TRIM65: variants seen among roughly 807,000 people sequenced by gnomAD.
TRIM65 encodes the protein tripartite motif containing 65.
TRIM65 carries 46 observed loss-of-function variants against 36.1 expected under a neutral mutation model. The observed-to-expected ratio is 1.27, with a 90% CI of 1.01 to 1.63. The LOEUF (loss-of-function observed/expected upper bound fraction) is 1.63. Among genes scored for constraint, TRIM65 ranks in the 40% most tolerant of loss-of-function variants. The pLI, the probability that TRIM65 is intolerant of heterozygous loss-of-function variation, is 0.00. For missense variants in TRIM65, 708 were observed against 696.6 expected (o/e 1.02, Z -0.18); for synonymous variants, 346 against 313.6 (o/e 1.10, Z -1.09).
chr17:75,879,815 G>A (rs534090148), downstream of TRIM65, among the ~76,000 whole-genome samples: 1 of 150,592 alleles, frequency 6.6e-6, no homozygotes, highest in East Asian at 1.9e-4. Flanking sequence ...GTGCAGTGGC[G>A]CAATCTCAGC....
rs1252235506 is a variant in TRIM65 at position 75,891,091 on chromosome 17, G to T, written c.1242C>A (p.Asp414Glu). 6.2e-7 allele frequency: 1 copy of T among 1,610,646 alleles called. No individual in the cohort carries two copies. The highest frequency in any genetic ancestry group is 1.7e-5 in the Admixed American group (1 of 60,022). ...LPRCRLGPHT[D>E]NIGRGPCSWG... ...AGGAGCAGGGTCCCCGGCCAATGTT[G>T]TCTGTGTGGGGCCCCAGCCTGCACC... Residue 414 changes from aspartate to glutamate, a missense_variant, in exon 6 of 6, where the codon GAC (aspartate) becomes GAA (glutamate). Physicochemically the swap from Asp to Glu is conservative, Grantham distance 45 (BLOSUM62 2). Coordinates refer to ENST00000269383, the MANE Select transcript of TRIM65 (RefSeq NM_173547.4).
chr17:75,886,130 T>TTGCC (rs1290785685), downstream of TRIM65, among the ~76,000 whole-genome samples: 1 of 152,196 alleles, frequency 6.6e-6, no homozygotes, highest in African/African-American at 2.4e-5. Flanking sequence ...CACGCTTTCC[T>TTGCC]TGCCTGCCTG....
downstream of TRIM65, among the ~76,000 whole-genome samples, chr17:75,887,729 G>T (rs926775012): frequency 6.6e-6 from 1 of 151,990 alleles, no homozygotes; most frequent in Non-Finnish European, 1.5e-5. Flanking sequence ...CCATTAGGAA[G>T]AAAAGAGGGG....
rs2065358176 is a variant in TRIM65 at position 75,896,872 on chromosome 17, T to TG, written c.65dup (p.Val23SerfsTer221). 2.6e-6 allele frequency: 4 copies of TG among 1,531,708 alleles called. No individual in the cohort carries two copies. Among genetic ancestry groups the TG allele is most frequent in the Non-Finnish European group, 2.6e-6 (3 of 1,142,990 alleles). The allele number at this position is 1,531,708 out of a possible 1,614,324, so 94.9% of individuals were successfully genotyped here. A position where few individuals can be genotyped will look rare whatever the true frequency, so the allele number is the denominator to read the frequency against. On this transcript the variant is annotated frameshift_variant, in exon 1 of 6. Coordinates refer to ENST00000269383, the MANE Select transcript of TRIM65 (RefSeq NM_173547.4). LOFTEE classifies it high-confidence loss of function. ...AGTTGTGGCCGCAGGGCAGCGTCAC[T>TG]GGGTCCTGGTAGAGCCCCAGGCAGA...
intron 1 of TRIM65, among the ~76,000 whole-genome samples, chr17:75,896,280 C>T (rs931868572): frequency 2.0e-5 from 3 of 152,232 alleles, no homozygotes; most frequent in African/African-American, 7.2e-5. Context: ...TGGTCTCGAT[C>T]TCCTGACCTC....
At chr17:75,881,876 C>T (rs1429710526) in intron 4 of TRIM65, among the ~76,000 whole-genome samples, 1 of 150,422 alleles carries the variant, frequency 6.6e-6, no homozygotes, top group Non-Finnish European at 1.5e-5. Context: ...TCTGATTTGG[C>T]AGGAGGGTGG....
chr17:75,896,658 G>A lies in TRIM65; in HGVS notation c.280C>T (p.Arg94Cys), dbSNP rs953939952. ...AGCGGCCGCCCGTGGCGGGGGCAGCGCGCGGCAGGGTCGGGGCCGGGGCCG... is the reference window on the plus strand; with the variant it reads ...AGCGGCCGCCCGTGGCGGGGGCAGCACGCGGCAGGGTCGGGGCCGGGGCCG... ...DPGPGPDPAA[R>C]CPRHGRPLEL... The change falls in exon 1 of 6, where the codon CGC becomes TGC. Residue 94 changes from arginine (R) to cysteine (C), a missense_variant. Physicochemically the swap from Arg to Cys is radical, Grantham distance 180. Coordinates refer to ENST00000269383, the MANE Select transcript of TRIM65 (RefSeq NM_173547.4). 3 of 1,243,988 alleles carry A rather than the reference G, an allele frequency of 2.4e-6. No homozygotes were observed. Among genetic ancestry groups the A allele is most frequent in the Non-Finnish European group, 3.0e-6 (3 of 998,370 alleles). The allele number at this position is 1,243,988 out of a possible 1,614,324, so 77.1% of individuals were successfully genotyped here. A position where few individuals can be genotyped will look rare whatever the true frequency, so the allele number is the denominator to read the frequency against.
Position 75,890,925 on chromosome 17 carries a change from G to C in TRIM65, c.1408C>G (p.Gln470Glu). 1 of 1,552,190 alleles carries C rather than the reference G, an allele frequency of 6.4e-7. No homozygotes were observed. The highest frequency in any genetic ancestry group is 8.7e-7 in the Non-Finnish European group (1 of 1,148,650). The change falls in exon 6 of 6, where the codon CAG becomes GAG. Residue 470 changes from glutamine (Q) to glutamate (E), a missense_variant. Gln to Glu is a conservative substitution (Grantham distance 29). Coordinates refer to ENST00000269383, the MANE Select transcript of TRIM65 (RefSeq NM_173547.4). ...TGGAAGGTGTACAGGGGCTGGGTCTGGGGCTCCAGGCTGTAGAAGGTGAGG... is the reference window on the plus strand; with the variant it reads ...TGGAAGGTGTACAGGGGCTGGGTCTCGGGCTCCAGGCTGTAGAAGGTGAGG... ...GCLTFYSLEP[Q>E]TQPLYTFHAL...
downstream of TRIM65, among the ~76,000 whole-genome samples, chr17:75,879,753 T>A (rs2065157991): frequency 6.6e-6 from 1 of 150,560 alleles, no homozygotes; most frequent in African/African-American, 2.5e-5. Context: ...AAATAATGTT[T>A]TTTTATTTTT....
intron 1 of TRIM65, among the ~76,000 whole-genome samples, chr17:75,893,611 A>G (rs1476874281): frequency 2.0e-5 from 3 of 152,148 alleles, no homozygotes; most frequent in Non-Finnish European, 4.4e-5. Flanking sequence ...GATGGGGACC[A>G]TTACTATCCC....
At chr17:75,886,217 G>C (rs1456655308), downstream of TRIM65, among the ~76,000 whole-genome samples, 1 of 152,162 alleles carries the variant, frequency 6.6e-6, no homozygotes, top group Non-Finnish European at 1.5e-5. Context: ...ATGTGAAACT[G>C]TGAGTCCATT....
chr17:75,893,033 GT>G (rs1328169320), intron 1 of TRIM65, among the ~76,000 whole-genome samples, 183 bp from the exon 2 acceptor site: 1 of 152,064 alleles, frequency 6.6e-6, no homozygotes, highest in African/African-American at 2.4e-5. Context: ...CCCCGGGGGG[GT>G]CCAGACAAAG....
At position 75,896,868 on chromosome 17, in the gene TRIM65, T is replaced by A; in HGVS notation, c.70A>T (p.Thr24Ser). 5 of 1,531,902 alleles carry A rather than the reference T, an allele frequency of 3.3e-6. No homozygotes were observed. The highest frequency in any genetic ancestry group is 3.5e-6 in the Non-Finnish European group (4 of 1,142,972). 94.9% of individuals were successfully genotyped at this position (1,531,902 alleles called of 1,614,324 possible). Residue 24 changes from threonine (T) to serine (S), a missense_variant, in exon 1 of 6, where the codon ACG (threonine) becomes TCG (serine). Coordinates refer to ENST00000269383, the MANE Select transcript of TRIM65 (RefSeq NM_173547.4). ...CAGAAGTTGTGGCCGCAGGGCAGCG[T>A]CACTGGGTCCTGGTAGAGCCCCAGG... The part of the protein sequence containing the change: ...ICLGLYQDPV[T>S]LPCGHNFCGA...
chr17:75,889,895 C>T lies in TRIM65; in HGVS notation c.*884G>A, dbSNP rs758369518. On this transcript the variant is annotated 3_prime_UTR_variant, in exon 6 of 6. Coordinates refer to ENST00000269383, the MANE Select transcript of TRIM65 (RefSeq NM_173547.4). The stretch of plus-strand genomic sequence containing the variant: ...ATGAGCCCATGACCGCACCCCTGCA[C>T]ACCAGCCTGGGTGACAGATGGAGAT... The T allele has an allele frequency of 3.3e-5, 5 of 152,132 alleles. No homozygotes were observed. The highest frequency in any genetic ancestry group is 7.4e-5 in the Non-Finnish European group (5 of 68,026). 9.4% of individuals were successfully genotyped at this position (152,132 alleles called of 1,614,324 possible).
rs1477108610 is a variant in TRIM65, at chr17:75,890,685, A to G, written c.*94T>C. The G allele has an allele frequency of 1.8e-6, 2 of 1,127,912 alleles. No homozygotes were observed. Among genetic ancestry groups the G allele is most frequent in the African/African-American group, 3.2e-5 (2 of 62,064 alleles). 69.9% of individuals were successfully genotyped at this position (1,127,912 alleles called of 1,614,324 possible). ...TCTTTCTGAGTTAACAGAGAGGCCA[A>G]CAGCTGGTCCTCCAGTCCCCAAGCT... On this transcript the variant is annotated 3_prime_UTR_variant, in exon 6 of 6. Transcript: ENST00000269383.
At chr17:75,891,735 ACACGT>A (rs2065269604) in intron 5 of TRIM65, 73 bp downstream of exon 5, 1 of 993,872 alleles carries the variant, frequency 1.0e-6, no homozygotes, top group African/African-American at 2.9e-5. Flanking sequence ...ATGCACACAC[ACACGT>A]GCTCACAGCA....
At chr17:75,882,255 T>C (rs1261347744) in intron 4 of TRIM65, among the ~76,000 whole-genome samples, 4 of 150,486 alleles carry the variant, frequency 2.7e-5, no homozygotes, top group Admixed American at 2.6e-4. Context: ...TCGCCCAGGC[T>C]GGAGTTCAGT....
chr17:75,892,159 C>T lies in TRIM65; in HGVS notation c.771G>A (p.Gly257=), dbSNP rs7208173. 7,087 of 1,570,168 alleles carry T rather than the reference C, an allele frequency of 4.5e-3. 244 individuals are homozygous for T. The African/African-American group carries it at 0.077, about 17-fold the overall frequency. The change falls in exon 4 of 6, where the codon GGG becomes GGA. Residue 257 remains glycine (G), a synonymous_variant. Coordinates refer to ENST00000269383, the MANE Select transcript of TRIM65 (RefSeq NM_173547.4). ...LQESQLLQPP[G]PLGPLTPLQW... Reference sequence around the variant, plus strand: ...GCAGAGGGGTCAGTGGCCCAAGAGGCCCTGGGGGCTGGAGGAGCTGCGATT... The same window carrying T: ...GCAGAGGGGTCAGTGGCCCAAGAGGTCCTGGGGGCTGGAGGAGCTGCGATT...
Position 75,890,576 on chromosome 17 carries a change from TA to T in TRIM65, c.*202del. 2.0e-6 allele frequency: 1 copy of T among 500,410 alleles called. No homozygotes were observed. The highest frequency in any genetic ancestry group is 3.4e-6 in the Non-Finnish European group (1 of 291,244). 31.0% of individuals were successfully genotyped at this position (500,410 alleles called of 1,614,324 possible). On this transcript the variant is annotated 3_prime_UTR_variant, in exon 6 of 6. Coordinates refer to ENST00000269383, the MANE Select transcript of TRIM65 (RefSeq NM_173547.4). ...CTCTCTGGGGCAAGGGCATCCCATT[TA>T]TCCCCCTCCTAGACTGTGTCCCCTT...
Sources: gnomAD v4.1 joint callset for allele counts (sites outside exome capture counted in the v4.1 genomes callset) on GRCh38, gnomAD v4.1.1 for gene constraint, MANE v1.5 for transcripts, NCBI Gene and HGNC (gene_info 2026-07-23, HGNC 2026-07-21) for gene names.